The following OR51B5 variants were observed in gnomAD, a reference collection of about 807,000 sequenced individuals.
OR51B5 encodes olfactory receptor family 51 subfamily B member 5.
For missense variants in OR51B5, 456 were observed against 374.6 expected, an observed-to-expected ratio of 1.22 and a Z score of -1.79; for synonymous variants, 186 against 144.8, an observed-to-expected ratio of 1.28 and a Z score of -2.04.
chr11:5,361,589 G>A (rs1202184512), intron 1 of OR51B5, among the ~76,000 whole-genome samples: 1 of 152,124 alleles, frequency 6.6e-6, no homozygotes, highest in East Asian at 1.9e-4. Context: ...ATTGCAGAGA[G>A]GGAAATGCAG....
chr11:5,430,621 T>C (rs1321592414), intron 1 of OR51B5: 3 of 424,286 alleles, frequency 7.1e-6, no homozygotes, highest in Non-Finnish European at 1.4e-5. Flanking sequence ...AATTTATGAA[T>C]TTAATGACAG....
rs116554032 is a variant in OR51B5, at chr11:5,454,516, T to C, written n.84+51053A>G. ...CATCATCATCAAAGTATAAGATAGA[T>C]TGTGTGCTGCGGGAAAAGTAGGCCA... On this transcript the variant is annotated intron_variant and non_coding_transcript_variant, in intron 1 of 4. Coordinates refer to the OR51B5 transcript ENST00000415970. 4,280 of 1,132,548 alleles carry C rather than the reference T, an allele frequency of 3.8e-3. 102 individuals carry two copies. The African/African-American group carries it at 0.051, about 14-fold the overall frequency. 70.2% of individuals were successfully genotyped at this position (1,132,548 alleles called of 1,614,324 possible). A position where few individuals can be genotyped will look rare whatever the true frequency, so the allele number is the denominator to read the frequency against.
intron 1 of OR51B5, among the ~76,000 whole-genome samples, chr11:5,366,106 G>C (rs138212265): frequency 6.6e-6 from 1 of 152,180 alleles, no homozygotes; most frequent in Non-Finnish European, 1.5e-5. Context: ...TACTTGTCCA[G>C]TTGTGTGTGA....
chr11:5,432,930 G>A (rs928561399), intron 1 of OR51B5, among the ~76,000 whole-genome samples: 1 of 152,136 alleles, frequency 6.6e-6, no homozygotes, highest in Non-Finnish European at 1.5e-5. Flanking sequence ...CCTTAGAAGG[G>A]AAGAACCCCT....
intron 1 of OR51B5, among the ~76,000 whole-genome samples, chr11:5,471,234 C>G (rs1851223581): frequency 1.3e-5 from 2 of 152,132 alleles, no homozygotes; most frequent in Non-Finnish European, 2.9e-5. Flanking sequence ...CTCCCTGTAA[C>G]TGTCTGTGTT....
intron 1 of OR51B5, among the ~76,000 whole-genome samples, chr11:5,472,287 T>G (rs955546718): frequency 3.9e-5 from 6 of 152,130 alleles, no homozygotes; most frequent in Admixed American, 1.3e-4. Flanking sequence ...TGTCTCTCCT[T>G]CAAATCCCTG....
chr11:5,450,271 T>C (rs1052663798), intron 1 of OR51B5, among the ~76,000 whole-genome samples: 2 of 151,932 alleles, frequency 1.3e-5, no homozygotes, highest in Admixed American at 1.3e-4. Context: ...CGCCTGTAAT[T>C]CCAGCTACTG....
chr11:5,389,095 T>C (rs1381122952), intron 1 of OR51B5, among the ~76,000 whole-genome samples: 1 of 152,050 alleles, frequency 6.6e-6, no homozygotes, highest in East Asian at 1.9e-4. Flanking sequence ...GAAGAAATAA[T>C]AGAATATGGC....
chr11:5,366,225 A>G (rs562377583), intron 1 of OR51B5, among the ~76,000 whole-genome samples: 17 of 152,300 alleles, frequency 1.1e-4, no homozygotes, highest in African/African-American at 4.1e-4. Flanking sequence ...AATCAGTAGG[A>G]AAGTATAGAA....
chr11:5,453,691 T>C, intron 1 of OR51B5: 3 of 1,613,800 alleles, frequency 1.9e-6, no homozygotes, highest in Non-Finnish European at 1.7e-6. Context: ...ATGTTGTCCT[T>C]CAGTGATGTG....
intron 1 of OR51B5, among the ~76,000 whole-genome samples, chr11:5,465,023 G>T (rs1398482705): frequency 2.0e-5 from 3 of 151,888 alleles, no homozygotes; most frequent in African/African-American, 7.3e-5. Context: ...CGGCTAAAAC[G>T]GTGAAACCCC....
At chr11:5,432,505 A>G (rs1320490496) in intron 1 of OR51B5, among the ~76,000 whole-genome samples, 1 of 152,212 alleles carries the variant, frequency 6.6e-6, no homozygotes, top group African/African-American at 2.4e-5. Flanking sequence ...GGTTGTAAGA[A>G]AAAATGAGAA....
chr11:5,469,271 A>G (rs944947863), intron 1 of OR51B5: 1 of 155,492 alleles, frequency 6.4e-6, no homozygotes, highest in African/African-American at 2.4e-5. Flanking sequence ...CTCTTCCTTT[A>G]TGATAAAGAG....
At chr11:5,398,847 A>G (rs1849922990) in intron 1 of OR51B5, among the ~76,000 whole-genome samples, 1 of 152,170 alleles carries the variant, frequency 6.6e-6, no homozygotes, top group African/African-American at 2.4e-5. Context: ...AGGCCTCCCC[A>G]GCTATGTGGA....
chr11:5,491,770 A>G (rs1851584017), intron 1 of OR51B5, among the ~76,000 whole-genome samples: 1 of 152,222 alleles, frequency 6.6e-6, no homozygotes, highest in Admixed American at 6.5e-5. Context: ...TACCAATCCC[A>G]GTGTACAGCA....
intron 1 of OR51B5, among the ~76,000 whole-genome samples, chr11:5,436,662 T>C (rs958718020): frequency 6.6e-6 from 1 of 152,152 alleles, no homozygotes; most frequent in African/African-American, 2.4e-5. Flanking sequence ...AAAGTGAGGT[T>C]TGAGGATTTT....
In OR51B5 at chr11:5,389,784, T is replaced by C. The variant is rs185267413; in HGVS notation, n.85-42874A>G. On this transcript the variant is annotated intron_variant and non_coding_transcript_variant, in intron 1 of 4. Transcript: ENST00000415970. ...TTCATGGAGTCCTCAGTGCTCCTCA[T>C]GATGTCCTTTGACCGCCTTGTGGCC... 3.0e-3 allele frequency: 4,922 copies of C among 1,614,040 alleles called. 15 individuals carry two copies. Among genetic ancestry groups the C allele is most frequent in the Admixed American group, 4.8e-3 (288 of 60,020 alleles).
chr11:5,406,075 G>A (rs1456394406), intron 1 of OR51B5, among the ~76,000 whole-genome samples: 2 of 152,142 alleles, frequency 1.3e-5, no homozygotes, highest in African/African-American at 4.8e-5. Context: ...AGGAAAAGAC[G>A]TTAGGACCAG....
chr11:5,426,952 TGA>T, intron 1 of OR51B5, among the ~76,000 whole-genome samples: 1 of 152,282 alleles, frequency 6.6e-6, no homozygotes, highest in Middle Eastern at 3.4e-3. Flanking sequence ...AAGACAGCTT[TGA>T]GAGATTACCT....
Sources: gnomAD v4.1 joint callset for allele counts (sites outside exome capture counted in the v4.1 genomes callset) on GRCh38, gnomAD v4.1.1 for gene constraint, MANE v1.5 for transcripts, NCBI Gene and HGNC (gene_info 2026-07-23, HGNC 2026-07-21) for gene names.